The following RBM45 variants were observed in gnomAD, a reference collection of about 807,000 sequenced individuals.
RBM45 encodes RNA-binding protein 45.
RBM45 carries 39 observed loss-of-function variants against 58.5 expected under a neutral mutation model. The ratio of observed to expected loss-of-function variants is 0.67; its 90% CI spans 0.52 to 0.87. RBM45 has a LOEUF of 0.87. RBM45 is among the 40% of genes least tolerant of loss of function. The probability of loss-of-function intolerance (pLI) is 0.00; values close to 1 mark genes in which losing one functional copy is unlikely to be tolerated. For synonymous variants in RBM45, 193 were observed against 203.0 expected (o/e 0.95, Z 0.42); for missense variants, 481 against 581.6 (o/e 0.83, Z 1.78).
At chr2:178,128,816 ATTC>A (rs951691418) in intron 9 of RBM45, among the ~76,000 whole-genome samples, 19 of 152,036 alleles carry the variant, frequency 1.2e-4, no homozygotes, top group Non-Finnish European at 2.8e-4. Context: ...CCATTATGAG[ATTC>A]TTCTTCTTTG....
At position 178,126,032 on chromosome 2, in the gene RBM45, G is replaced by A; in HGVS notation, c.1281G>A (p.Val427=). ...TTTACCTTGTGTCAGGAAAAAATGT[G>A]GGGTATGCCAAGTATGCCGATAGAA... The part of the protein sequence containing the change: ...IEVYLVSGKN[V]GYAKYADRIS... Residue 427 remains valine, a synonymous_variant, in exon 9 of 10, where the codon GTG becomes GTA. Coordinates refer to ENST00000286070, the MANE Select transcript of RBM45 (RefSeq NM_152945.4). 6.2e-7 allele frequency: 1 copy of A among 1,613,886 alleles called. No homozygotes were observed. Among genetic ancestry groups the A allele is most frequent in the Middle Eastern group, 1.6e-4 (1 of 6,062 alleles).
downstream of RBM45, among the ~76,000 whole-genome samples, chr2:178,131,528 T>C (rs1419748968): frequency 6.6e-6 from 1 of 152,186 alleles, no homozygotes. Flanking sequence ...CTGTTCAGAT[T>C]AAATGATCCC....
At chr2:178,120,709 A>C (rs1287437623) in intron 4 of RBM45, among the ~76,000 whole-genome samples, 1 of 152,176 alleles carries the variant, frequency 6.6e-6, no homozygotes, top group Non-Finnish European at 1.5e-5. Context: ...ATAGCTGACC[A>C]AAAACTTAAA....
intron 1 of RBM45, among the ~76,000 whole-genome samples, chr2:178,115,221 T>C (rs1047494938): frequency 1.3e-5 from 2 of 152,228 alleles, no homozygotes; most frequent in Admixed American, 6.5e-5. Context: ...TAAAAATTTA[T>C]GGGAGAAATC....
At chr2:178,124,317 T>TA in intron 8 of RBM45, 27 bp downstream of exon 8, 1 of 1,383,496 alleles carries the variant, frequency 7.2e-7, no homozygotes, top group Non-Finnish European at 9.9e-7. Context: ...TTTTGTTATA[T>TA]TTTATTTACA....
At chr2:178,123,437 G>T in intron 5 of RBM45, 85 bp from the exon 6 acceptor site, 1 of 1,382,024 alleles carries the variant, frequency 7.2e-7, no homozygotes, top group Non-Finnish European at 9.7e-7. Context: ...GTTCTACATG[G>T]TTTCATTTTT....
intron 5 of RBM45, among the ~76,000 whole-genome samples, 187 bp downstream of exon 5, chr2:178,121,546 A>C (rs2087853538): frequency 6.6e-6 from 1 of 152,032 alleles, no homozygotes; most frequent in Non-Finnish European, 1.5e-5. Context: ...TAGAATTCAA[A>C]ATATGGTGAT....
In RBM45 at chr2:178,123,664, C is replaced by A. The variant is rs764370192; in HGVS notation, c.983+13C>A. On this transcript the variant is annotated intron_variant, in intron 6 of 9. Transcript: ENST00000286070. ...GTAATGCAACAGAGTAAGTACCATT[C>A]CAGGAGTGTCTAAAGCCGAGCTTTG... 2 of 1,595,734 alleles carry A rather than the reference C, an allele frequency of 1.3e-6. No individual in the cohort carries two copies. The highest frequency in any genetic ancestry group is 3.5e-5 in the Admixed American group (2 of 56,430).
At chr2:178,135,211 G>T (rs1261753827) in intron 3 of RBM45, among the ~76,000 whole-genome samples, 2 of 152,210 alleles carry the variant, frequency 1.3e-5, no homozygotes, top group African/African-American at 2.4e-5. Flanking sequence ...GTTACTTAAA[G>T]GACTGACTTT....
chr2:178,137,955 CT>C (rs1253848568), exon 4 of RBM45: 2 of 152,102 alleles, frequency 1.3e-5, no homozygotes, highest in Non-Finnish European at 2.9e-5. Flanking sequence ...AAAATATCTG[CT>C]TTTGCTCCCC....
chr2:178,127,651 A>G (rs79606185), intron 9 of RBM45, among the ~76,000 whole-genome samples: 277 of 152,350 alleles, frequency 1.8e-3, no homozygotes, highest in African/African-American at 6.5e-3. Flanking sequence ...CCCTGGATAT[A>G]TTAAATTGGG....
intron 3 of RBM45, among the ~76,000 whole-genome samples, chr2:178,120,019 T>G: frequency 6.6e-6 from 1 of 152,186 alleles, no homozygotes. Flanking sequence ...GACGATGTTA[T>G]CTGTAATAGG....
chr2:178,121,175 C>T lies in RBM45; in HGVS notation c.674-5C>T, dbSNP rs544466514. ...AAAGATTTACTTTTTTTTATATTGTCGGAGAACAACAATCTGAATTTTCAA... is the reference window on the plus strand; with the variant it reads ...AAAGATTTACTTTTTTTTATATTGTTGGAGAACAACAATCTGAATTTTCAA... On this transcript the variant is annotated splice_polypyrimidine_tract_variant and splice_region_variant and intron_variant, in intron 4 of 9. Transcript: ENST00000286070. 2.3e-5 allele frequency: 33 copies of T among 1,439,578 alleles called. No homozygotes were observed. The highest frequency in any genetic ancestry group is 1.9e-4 in the Admixed American group (9 of 47,128). The allele number at this position is 1,439,578 out of a possible 1,614,324, so 89.2% of individuals were successfully genotyped here.
chr2:178,112,899 C>T, intron 1 of RBM45, 53 bp downstream of exon 1: 1 of 1,535,558 alleles, frequency 6.5e-7, no homozygotes. Context: ...GCCTCTTGGA[C>T]CTCCCTTCAC....
intron 2 of RBM45, among the ~76,000 whole-genome samples, chr2:178,116,651 C>T (rs1255783193): frequency 6.6e-6 from 1 of 152,154 alleles, no homozygotes; most frequent in African/African-American, 2.4e-5. Context: ...AGAAATGAAG[C>T]ATAAAGCTCA....
chr2:178,122,293 CT>C (rs1335401696), intron 5 of RBM45, among the ~76,000 whole-genome samples: 1 of 152,008 alleles, frequency 6.6e-6, no homozygotes, highest in African/African-American at 2.4e-5. Flanking sequence ...GTTGGCATCT[CT>C]TCCAGTTTTG....
At chr2:178,127,047 C>T (rs2087940369) in intron 9 of RBM45, among the ~76,000 whole-genome samples, 1 of 152,098 alleles carries the variant, frequency 6.6e-6, no homozygotes, top group South Asian at 2.1e-4. Context: ...AGTGATTCTT[C>T]TGCCTCAGCT....
At chr2:178,137,377 C>T (rs2088053150) in exon 4 of RBM45, 1 of 152,144 alleles carries the variant, frequency 6.6e-6, no homozygotes, top group African/African-American at 2.4e-5. Flanking sequence ...CACTTCTAAG[C>T]ATATATCCAA....
intron 1 of RBM45, among the ~76,000 whole-genome samples, chr2:178,115,145 A>G (rs574557790): frequency 6.6e-6 from 1 of 152,238 alleles, no homozygotes. Context: ...AGAAGAAAAA[A>G]ATCTTGGCTG....
Sources: allele counts gnomAD v4.1 joint callset (sites outside exome capture counted in the v4.1 genomes callset), GRCh38; gene constraint gnomAD v4.1.1; transcripts MANE v1.5; gene names NCBI Gene and HGNC (gene_info 2026-07-23, HGNC 2026-07-21).